The following SPACA1 variants were observed in gnomAD, a reference collection of about 807,000 sequenced individuals.
SPACA1 encodes sperm acrosome membrane-associated protein 1.
Under a neutral mutation model 32.6 loss-of-function variants are expected in SPACA1, and 17 were observed. The observed-to-expected ratio is 0.52, with a 90% confidence interval of 0.36 to 0.78. The LOEUF (loss-of-function observed/expected upper bound fraction) is 0.78. Ranked by LOEUF, SPACA1 falls within the 30% of genes least tolerant of loss-of-function variation. The pLI is 0.01. For synonymous variants in SPACA1, 140 were observed against 138.1 expected (o/e 1.01, Z -0.10); for missense variants, 363 against 373.4 (o/e 0.97, Z 0.23).
At chr6:88,049,745 G>A (rs1271511874) in intron 1 of SPACA1, among the ~76,000 whole-genome samples, 1 of 152,124 alleles carries the variant, frequency 6.6e-6, no homozygotes, top group South Asian at 2.1e-4. Flanking sequence ...ATATATCCTA[G>A]TTTTGAAGGT....
At chr6:88,050,216 G>A (rs939245577) in intron 1 of SPACA1, among the ~76,000 whole-genome samples, 1 of 152,144 alleles carries the variant, frequency 6.6e-6, no homozygotes, top group African/African-American at 2.4e-5. Context: ...GAAACAGTAT[G>A]GCACAAGTTA....
chr6:88,052,881 A>C (rs1435508367), intron 1 of SPACA1, among the ~76,000 whole-genome samples: 5 of 152,198 alleles, frequency 3.3e-5, no homozygotes, highest in African/African-American at 1.2e-4. Context: ...TAAGTACAGA[A>C]TAGTAGTGTT....
chr6:88,059,509 C>A lies in SPACA1; in HGVS notation c.531C>A (p.His177Gln). Residue 177 changes from histidine to glutamine, a missense_variant, in exon 5 of 7, where the codon CAC becomes CAA. His to Gln is a conservative substitution (Grantham distance 24, BLOSUM62 0). Transcript: ENST00000237201. ...SAILEVRKES[H>Q]PLAFECDTLD... ...TCCTAGAAGTACGCAAGGAAAGTCA[C>A]CCCTTGGCTTTCGAGTGTGACACAC... The A allele has an allele frequency of 6.2e-7, 1 of 1,613,202 alleles. No individual in the cohort carries two copies. The highest frequency in any genetic ancestry group is 8.5e-7 in the Non-Finnish European group (1 of 1,179,512).
intron 2 of SPACA1, among the ~76,000 whole-genome samples, chr6:88,056,775 T>C (rs1469129056): frequency 6.6e-6 from 1 of 152,174 alleles, no homozygotes; most frequent in East Asian, 1.9e-4. Context: ...CGGTTCAACA[T>C]GTAGCTAATC....
chr6:88,061,788 C>T (rs1775901700), intron 5 of SPACA1, among the ~76,000 whole-genome samples: 1 of 152,108 alleles, frequency 6.6e-6, no homozygotes, highest in African/African-American at 2.4e-5. Context: ...AGTACATAAG[C>T]TTAGTTTATC....
rs1183963391 is a variant in SPACA1, at chr6:88,058,818, A to G, written c.470A>G (p.Asp157Gly). ...TATATGTGGAAACTTCTAAGACAAG[A>G]CCAAGTGAGTAATGAATGGATATAA... ...FKYMWKLLRQ[D>G]QQSIILVNDS... The change falls in exon 4 of 7, where the codon GAC (aspartate) becomes GGC (glycine). Residue 157 changes from aspartate to glycine, a missense_variant. Physicochemically the swap from Asp to Gly is moderately conservative, Grantham distance 94 (BLOSUM62 -1). Coordinates refer to ENST00000237201, the MANE Select transcript of SPACA1 (RefSeq NM_030960.3). 1 of 1,602,526 alleles carries G rather than the reference A, an allele frequency of 6.2e-7. No homozygotes were observed. Among genetic ancestry groups the G allele is most frequent in the South Asian group, 1.1e-5 (1 of 90,626 alleles).
At chr6:88,060,957 G>T (rs555191953) in intron 5 of SPACA1, among the ~76,000 whole-genome samples, 1 of 152,326 alleles carries the variant, frequency 6.6e-6, no homozygotes, top group South Asian at 2.1e-4. Context: ...TCCAGGAATG[G>T]TGGGATAGCT....
chr6:88,059,367 C>G, intron 4 of SPACA1, 86 bp from the exon 5 acceptor site: 2 of 1,210,780 alleles, frequency 1.7e-6, no homozygotes, highest in Non-Finnish European at 2.3e-6. Context: ...GACAGTAACC[C>G]TCCTTTCCTT....
At chr6:88,060,578 A>G (rs1041397103) in intron 5 of SPACA1, among the ~76,000 whole-genome samples, 4 of 152,232 alleles carry the variant, frequency 2.6e-5, no homozygotes, top group Admixed American at 1.3e-4. Flanking sequence ...TTCCTTTGAT[A>G]TGCTGTTTAA....
Position 88,048,067 on chromosome 6 carries a change from C to G in SPACA1, c.162C>G (p.Asn54Lys), listed in dbSNP as rs1332444028. 1.2e-6 allele frequency: 2 copies of G among 1,603,364 alleles called. No homozygotes were observed. The highest frequency in any genetic ancestry group is 2.7e-5 in the African/African-American group (2 of 74,900). ...EGEGEEETEN[N>K]DSETAENYAP... ...AGGGCGAGGAGGAGACCGAAAACAA[C>G]GACAGCGAGACCGCGGAGAACTACG... is the stretch of plus-strand genomic sequence containing the variant. Residue 54 changes from asparagine to lysine, a missense_variant, in exon 1 of 7, where the codon AAC (asparagine) becomes AAG (lysine). Physicochemically the swap from Asn to Lys is moderately conservative, Grantham distance 94 (BLOSUM62 0). Transcript: ENST00000237201.
At chr6:88,062,569 AATAC>A (rs1400232818) in intron 5 of SPACA1, among the ~76,000 whole-genome samples, 23 of 152,336 alleles carry the variant, frequency 1.5e-4, no homozygotes, top group African/African-American at 5.5e-4. Flanking sequence ...GCAATACTGT[AATAC>A]ATACGGTAGA....
At chr6:88,063,745 T>A (rs951662815) in intron 5 of SPACA1, among the ~76,000 whole-genome samples, 1 of 152,178 alleles carries the variant, frequency 6.6e-6, no homozygotes, top group African/African-American at 2.4e-5. Context: ...CAGTTAACGA[T>A]ATGCTTGCTG....
chr6:88,048,896 T>G (rs921526994), intron 1 of SPACA1, among the ~76,000 whole-genome samples: 3 of 152,232 alleles, frequency 2.0e-5, no homozygotes, highest in Admixed American at 2.0e-4. Flanking sequence ...GTTTGCTGCC[T>G]TCTCAAGAAA....
chr6:88,063,421 T>C (rs778354240), intron 5 of SPACA1, among the ~76,000 whole-genome samples: 1 of 152,144 alleles, frequency 6.6e-6, no homozygotes, highest in Non-Finnish European at 1.5e-5. Context: ...AACATTATTC[T>C]AAGTAAACAA....
At chr6:88,049,957 T>C (rs968090331) in intron 1 of SPACA1, among the ~76,000 whole-genome samples, 4 of 152,356 alleles carry the variant, frequency 2.6e-5, no homozygotes, top group Non-Finnish European at 5.9e-5. Flanking sequence ...TACAAAGGCA[T>C]ATATTTTGTT....
chr6:88,051,482 T>C (rs1298342067), intron 1 of SPACA1, among the ~76,000 whole-genome samples: 2 of 152,234 alleles, frequency 1.3e-5, no homozygotes, highest in East Asian at 1.9e-4. Flanking sequence ...TGTGCTGTCC[T>C]GAACTGAAGA....
chr6:88,065,901 G>A (rs912869661), intron 6 of SPACA1, among the ~76,000 whole-genome samples: 4 of 151,636 alleles, frequency 2.6e-5, no homozygotes, highest in African/African-American at 4.8e-5. Flanking sequence ...ATACAGTTCA[G>A]TAGTCATAAA....
intron 5 of SPACA1, among the ~76,000 whole-genome samples, chr6:88,061,763 C>T (rs1775901247): frequency 2.0e-5 from 3 of 152,030 alleles, no homozygotes; most frequent in Admixed American, 6.6e-5. Context: ...TTATGGTGGT[C>T]CTAGGAAACT....
chr6:88,066,336 T>A lies in SPACA1; in HGVS notation c.*1T>A. ...TGCTTTAAGTGAATGGAATGAATGATGTTTGAATGATATATAACAAACCAA... is the reference window on the plus strand; with the variant it reads ...TGCTTTAAGTGAATGGAATGAATGAAGTTTGAATGATATATAACAAACCAA... On this transcript the variant is annotated 3_prime_UTR_variant, in exon 7 of 7. Transcript: ENST00000237201. 2 of 1,608,434 alleles carry A rather than the reference T, an allele frequency of 1.2e-6. No individual in the cohort carries two copies. Among genetic ancestry groups the A allele is most frequent in the Non-Finnish European group, 1.7e-6 (2 of 1,177,304 alleles).
Sources: gnomAD v4.1 joint callset for allele counts (sites outside exome capture counted in the v4.1 genomes callset) on GRCh38, gnomAD v4.1.1 for gene constraint, MANE v1.5 for transcripts, NCBI Gene and HGNC (gene_info 2026-07-23, HGNC 2026-07-21) for gene names.